The following ITPRID1 variants were observed in gnomAD, a reference collection of about 807,000 sequenced individuals.
The protein encoded by ITPRID1 is ITPR interacting domain containing 1.
A neutral mutation model predicts 95.4 loss-of-function variants in ITPRID1; 96 were observed. That is an observed-to-expected ratio of 1.01 (90% confidence interval 0.85 to 1.19). ITPRID1 has a LOEUF of 1.19. ITPRID1 is among the 50% of genes most tolerant of loss of function. ITPRID1 has a pLI of 0.00. For synonymous variants in ITPRID1, 510 were observed against 453.6 expected (o/e 1.12, Z -1.58); for missense variants, 1,339 against 1,252.9 (o/e 1.07, Z -1.04).
intron 10 of ITPRID1, among the ~76,000 whole-genome samples, chr7:31,635,216 A>C (rs1262266464): frequency 1.3e-5 from 2 of 152,166 alleles, no homozygotes; most frequent in African/African-American, 4.8e-5. Flanking sequence ...ACTCTAAGGG[A>C]ATATTTAGAA....
At chr7:31,616,551 C>A (rs1284164114) in intron 10 of ITPRID1, among the ~76,000 whole-genome samples, 1 of 151,520 alleles carries the variant, frequency 6.6e-6, no homozygotes, top group Non-Finnish European at 1.5e-5. Context: ...CAACACATCC[C>A]TCCACCCACT....
chr7:31,519,620 C>CTCTCTCTCTCTCTCTATATA, intron 1 of ITPRID1, among the ~76,000 whole-genome samples: 17 of 25,266 alleles, frequency 6.7e-4, no homozygotes, highest in East Asian at 3.0e-3. Flanking sequence ...CTCTCTCTCT[C>CTCTCTCTCTCTCTCTATATA]TATATATATA....
chr7:31,553,822 A>G (rs1378732591), intron 3 of ITPRID1, among the ~76,000 whole-genome samples: 1 of 152,190 alleles, frequency 6.6e-6, no homozygotes, highest in Non-Finnish European at 1.5e-5. Context: ...CCTAGAGTAC[A>G]CAGTTGCTAA....
intron 10 of ITPRID1, among the ~76,000 whole-genome samples, chr7:31,609,435 A>T (rs1786769653): frequency 6.6e-6 from 1 of 151,628 alleles, no homozygotes; most frequent in Admixed American, 6.6e-5. Context: ...CTGGGCCTGA[A>T]ATTTTCTTTG....
intron 1 of ITPRID1, chr7:31,529,778 A>G: frequency 1.3e-6 from 2 of 1,535,324 alleles, no homozygotes; most frequent in South Asian, 1.2e-5. Context: ...GATGCCAACT[A>G]CAGCAAGTTG....
Position 31,655,913 on chromosome 7 carries a change from C to T in ITPRID1, c.*3084C>T. 1 of 985,474 alleles carries T rather than the reference C, an allele frequency of 1.0e-6. No homozygotes were observed. The highest frequency in any genetic ancestry group is 1.2e-6 in the Non-Finnish European group (1 of 829,978). The allele number at this position is 985,474 out of a possible 1,614,324, so 61.0% of individuals were successfully genotyped here. A position where few individuals can be genotyped will look rare whatever the true frequency, so the allele number is the denominator to read the frequency against. On this transcript the variant is annotated 3_prime_UTR_variant, in exon 15 of 15. Coordinates refer to ENST00000615280, the MANE Select transcript of ITPRID1 (RefSeq NM_001257967.3). ...TCTAGGATGTCCCTCACCTGGCAGC[C>T]ATCTGCTTTACCAGTCTCATTTCCT...
chr7:31,578,449 A>C lies in ITPRID1; in HGVS notation c.1170+15A>C. Reference sequence around the variant, plus strand: ...AAATGGAAGAGGTCAGTGCTGCACCAACGTACCAGCCTCCTAAGGGAAATA... The same window carrying C: ...AAATGGAAGAGGTCAGTGCTGCACCCACGTACCAGCCTCCTAAGGGAAATA... On this transcript the variant is annotated intron_variant, in intron 9 of 14. Transcript: ENST00000615280. 1 of 1,549,280 alleles carries C rather than the reference A, an allele frequency of 6.5e-7. No homozygotes were observed. Among genetic ancestry groups the C allele is most frequent in the South Asian group, 1.2e-5 (1 of 81,496 alleles).
intron 10 of ITPRID1, among the ~76,000 whole-genome samples, chr7:31,600,843 CTA>C: frequency 6.6e-6 from 1 of 152,162 alleles, no homozygotes; most frequent in Non-Finnish European, 1.5e-5. Context: ...AATTCAACTA[CTA>C]GTTTGATGTT....
intron 1 of ITPRID1, among the ~76,000 whole-genome samples, chr7:31,534,951 T>C (rs1783712647): frequency 6.6e-6 from 1 of 152,140 alleles, no homozygotes; most frequent in Admixed American, 6.5e-5. Flanking sequence ...TATCTTATTT[T>C]TTAGTGTTTT....
In ITPRID1 at chr7:31,613,284, T is replaced by A. The variant is rs547332380; in HGVS notation, c.1229-28892T>A. On this transcript the variant is annotated intron_variant, in intron 10 of 14. Transcript: ENST00000615280. ...ACTGTTCTTATTGATAGTCAACTCTTTTTTTCTCGTATAAATGCTCCTCAG... is the reference window on the plus strand; with the variant it reads ...ACTGTTCTTATTGATAGTCAACTCTATTTTTCTCGTATAAATGCTCCTCAG... Among the ~76,000 whole-genome samples, 15 of 152,226 alleles carry A rather than the reference T, an allele frequency of 9.9e-5. No individual in the cohort carries two copies. The South Asian group carries it at 1.2e-3, about 13-fold the overall frequency.
chr7:31,571,635 GCTACA>G, intron 6 of ITPRID1, among the ~76,000 whole-genome samples: 1 of 152,166 alleles, frequency 6.6e-6, no homozygotes, highest in African/African-American at 2.4e-5. Flanking sequence ...CATATGGATG[GCTACA>G]GGAGCCCTGG....
At chr7:31,521,328 CAT>C (rs879684610) in intron 1 of ITPRID1, among the ~76,000 whole-genome samples, 8 of 152,080 alleles carry the variant, frequency 5.3e-5, no homozygotes, top group Admixed American at 3.3e-4. Flanking sequence ...TTCTTAAACA[CAT>C]GTTATTTAGT....
chr7:31,583,117 G>A lies in ITPRID1; in HGVS notation c.1171-17G>A. The A allele has an allele frequency of 6.3e-7, 1 of 1,586,526 alleles. No homozygotes were observed. Among genetic ancestry groups the A allele is most frequent in the Non-Finnish European group, 8.6e-7 (1 of 1,157,660 alleles). ...TGACAAAATTTCTAATGACATTGAT[G>A]CATTTTGATATCTTAGGTCCAAAGC... On this transcript the variant is annotated splice_polypyrimidine_tract_variant and intron_variant, in intron 9 of 14. Transcript: ENST00000615280.
At chr7:31,652,486 G>A (rs760304899) in intron 14 of ITPRID1, 32 bp from the exon 15 acceptor site, 1 of 1,552,646 alleles carries the variant, frequency 6.4e-7, no homozygotes, top group Admixed American at 1.9e-5. Context: ...GTGATGTGCT[G>A]TTTACTCTTT....
chr7:31,601,841 C>T (rs1185277840), intron 10 of ITPRID1, among the ~76,000 whole-genome samples: 3 of 152,290 alleles, frequency 2.0e-5, no homozygotes, highest in Middle Eastern at 3.4e-3. Flanking sequence ...GAACTGCTCA[C>T]GGGCGACCAG....
intron 10 of ITPRID1, among the ~76,000 whole-genome samples, chr7:31,625,124 C>T (rs1368100031): frequency 6.6e-6 from 1 of 152,092 alleles, no homozygotes; most frequent in African/African-American, 2.4e-5. Flanking sequence ...CGGGAAACAA[C>T]AGGTGCTGGA....
chr7:31,575,719 A>G (rs551635510), intron 8 of ITPRID1, among the ~76,000 whole-genome samples: 2 of 152,316 alleles, frequency 1.3e-5, no homozygotes, highest in African/African-American at 4.8e-5. Flanking sequence ...TGATTCTCAA[A>G]TAAATTCTTT....
At chr7:31,613,212 G>A (rs528895375) in intron 10 of ITPRID1, among the ~76,000 whole-genome samples, 1 of 152,258 alleles carries the variant, frequency 6.6e-6, no homozygotes, top group Non-Finnish European at 1.5e-5. Context: ...ATGAAGAGCT[G>A]GGGAGAGGGT....
chr7:31,585,786 GAATA>G (rs144776342), intron 10 of ITPRID1, among the ~76,000 whole-genome samples: 1,714 of 151,864 alleles, frequency 0.011, 42 homozygotes, highest in African/African-American at 0.039. Flanking sequence ...AAGTTATTCA[GAATA>G]AATGTCCACT....
Sources: allele counts gnomAD v4.1 joint callset (sites outside exome capture counted in the v4.1 genomes callset), GRCh38; gene constraint gnomAD v4.1.1; transcripts MANE v1.5; gene names NCBI Gene and HGNC (gene_info 2026-07-23, HGNC 2026-07-21).